ADGRA2: variants seen among roughly 807,000 people sequenced by gnomAD.
ADGRA2 encodes G-protein coupled receptor 124.
ADGRA2 carries 61 observed loss-of-function variants against 98.7 expected under a neutral mutation model. The ratio of observed to expected loss-of-function variants is 0.62; its 90% CI spans 0.50 to 0.76. ADGRA2 has a LOEUF of 0.76. Among genes scored for constraint, ADGRA2 ranks in the 30% least tolerant of loss-of-function variants. The pLI, the probability that ADGRA2 is intolerant of heterozygous loss-of-function variation, is 0.00. For missense variants in ADGRA2, 1,712 were observed against 1,860.0 expected (o/e 0.92, Z 1.46); for synonymous variants, 858 against 831.5 (o/e 1.03, Z -0.55).
At position 37,830,012 on chromosome 8, in the gene ADGRA2, G is replaced by A; in HGVS notation, c.716G>A (p.Cys239Tyr). Residue 239 changes from cysteine (C) to tyrosine (Y), a missense_variant and splice_region_variant, in exon 6 of 19, where the codon TGC (cysteine) becomes TAC (tyrosine). Cys to Tyr is a radical substitution (Grantham distance 194). Coordinates refer to ENST00000412232, the MANE Select transcript of ADGRA2 (RefSeq NM_032777.10). This position sits in a 1 kb window ranked among gnomAD's most constrained non-coding sequence, Gnocchi z 4.8. Reference sequence around the variant, plus strand: ...AGCCTCCAGGAGGCCCAGCTCTGCTGCGGTGAGCAAGTCCCCCCAGCTACA... The same window carrying A: ...AGCCTCCAGGAGGCCCAGCTCTGCTACGGTGAGCAAGTCCCCCCAGCTACA... Reference protein sequence around the residue: ...LGSLQEAQLCCEGALELHTHH... With the variant: ...LGSLQEAQLCYEGALELHTHH... 3 of 1,545,654 alleles carry A rather than the reference G, an allele frequency of 1.9e-6. No homozygotes were observed. The highest frequency in any genetic ancestry group is 2.6e-6 in the Non-Finnish European group (3 of 1,147,938).
At chr8:37,832,958 CTGT>C (rs1585400293) in intron 8 of ADGRA2, 49 bp from the exon 9 acceptor site, 7 of 1,383,742 alleles carry the variant, frequency 5.1e-6, no homozygotes, top group Non-Finnish European at 7.2e-6. Flanking sequence ...GGGAGAAGGG[CTGT>C]TGTTCTGAGA....
In ADGRA2 at chr8:37,814,752, G is replaced by A. The variant is rs902073898; in HGVS notation, c.267-144G>A. The A allele has an allele frequency of 2.2e-5, 14 of 648,838 alleles. No homozygotes were observed. The highest frequency in any genetic ancestry group is 4.7e-5 in the Admixed American group (2 of 42,798). 40.2% of individuals were successfully genotyped at this position (648,838 alleles called of 1,614,324 possible). A position where few individuals can be genotyped will look rare whatever the true frequency, so the allele number is the denominator to read the frequency against. ...TGGCCAGCTTCTCCCTGTAATCTCC[G>A]GAAGTAGAGGGTGGGGGCTGCTGCC... is the stretch of plus-strand genomic sequence containing the variant. On this transcript the variant is annotated intron_variant, in intron 1 of 18. Transcript: ENST00000412232. This position sits in a 1 kb window ranked among gnomAD's most constrained non-coding sequence, Gnocchi z 4.3.
chr8:37,802,871 T>C lies in ADGRA2; in HGVS notation c.266+5337T>C, dbSNP rs1804547971. On this transcript the variant is annotated intron_variant, in intron 1 of 18. Transcript: ENST00000412232. The surrounding 1 kb of genome is among the most constrained non-coding windows in gnomAD (Gnocchi z 4.7). ...CTGCAGAGGCCATCGTGCTGGCTCC[T>C]AAGGGGGCACTTGTGACTCCGCCCC... is the stretch of plus-strand genomic sequence containing the variant. Among the ~76,000 whole-genome samples the C allele has an allele frequency of 6.6e-6, 1 of 152,144 alleles. No homozygotes were observed. The highest frequency in any genetic ancestry group is 6.5e-5 in the Admixed American group (1 of 15,280).
Position 37,828,894 on chromosome 8 carries a change from G to T in ADGRA2, c.345G>T (p.Leu115=), listed in dbSNP as rs780871804. ...LGLSLLEKLD[L]RNNIISTVQP... is the part of the protein sequence containing the mutation. Reference sequence around the variant, plus strand: ...TCTGCACTTGCCTCTGCAGGGACCTGAGGAACAACATCATCAGCACAGTGC... The same window carrying T: ...TCTGCACTTGCCTCTGCAGGGACCTTAGGAACAACATCATCAGCACAGTGC... The change falls in exon 3 of 19, where the codon CTG becomes CTT. Residue 115 remains leucine, a synonymous_variant. Transcript: ENST00000412232. 1.2e-6 allele frequency: 2 copies of T among 1,600,010 alleles called. No homozygotes were observed. Among genetic ancestry groups the T allele is most frequent in the African/African-American group, 1.3e-5 (1 of 74,410 alleles).
chr8:37,828,420 C>T (rs1805345528), intron 2 of ADGRA2, among the ~76,000 whole-genome samples: 1 of 151,234 alleles, frequency 6.6e-6, no homozygotes, highest in Non-Finnish European at 1.5e-5. Flanking sequence ...TCTCTCTGTT[C>T]TGACCAGTGC....
intron 1 of ADGRA2, among the ~76,000 whole-genome samples, chr8:37,812,347 G>A (rs372303721): frequency 6.6e-6 from 1 of 152,160 alleles, no homozygotes; most frequent in African/African-American, 2.4e-5. Context: ...AGGATTTGTG[G>A]CTGGGCGCGG....
chr8:37,798,073 T>C (rs891033584), intron 1 of ADGRA2, among the ~76,000 whole-genome samples: 1 of 152,086 alleles, frequency 6.6e-6, no homozygotes, highest in African/African-American at 2.4e-5. Flanking sequence ...GCCGGTCTCC[T>C]TAGGGCAAGG....
rs755819612 is a variant in ADGRA2, at chr8:37,841,311, C to A, written c.2973C>A (p.Ser991=). The part of the protein sequence containing the change: ...GSGPLLSDSG[S]LLATGSARVG... ...GCCCCCTCCTGAGTGACTCAGGTTC[C>A]CTTCTTGCTACTGGGAGCGCGCGAG... The change falls in exon 19 of 19, where the codon TCC becomes TCA. Residue 991 remains serine, a synonymous_variant. Coordinates refer to ENST00000412232, the MANE Select transcript of ADGRA2 (RefSeq NM_032777.10). This position sits in a 1 kb window ranked among gnomAD's most constrained non-coding sequence, Gnocchi z 5.0. 1.9e-6 allele frequency: 3 copies of A among 1,608,532 alleles called. No homozygotes were observed. Among genetic ancestry groups the A allele is most frequent in the Non-Finnish European group, 2.5e-6 (3 of 1,177,494 alleles).
chr8:37,797,376 C>A lies in ADGRA2; in HGVS notation c.108C>A (p.Gly36=). 7.0e-7 allele frequency: 1 copy of A among 1,427,834 alleles called. No individual in the cohort carries two copies. The highest frequency in any genetic ancestry group is 9.2e-7 in the Non-Finnish European group (1 of 1,091,338). The allele number at this position is 1,427,834 out of a possible 1,614,324, so 88.4% of individuals were successfully genotyped here. The stretch of plus-strand genomic sequence containing the variant: ...CGCCCGAGGCTCGGGGCGCGCCCGG[C>A]TGCCCGCTATCCATCCGCAGCTGCA... ...LLAPEARGAP[G]CPLSIRSCKC... The change falls in exon 1 of 19, where the codon GGC becomes GGA. Residue 36 remains glycine (G), a synonymous_variant. Coordinates refer to ENST00000412232, the MANE Select transcript of ADGRA2 (RefSeq NM_032777.10). The surrounding 1 kb of genome is among the most constrained non-coding windows in gnomAD (Gnocchi z 5.3).
intron 2 of ADGRA2, among the ~76,000 whole-genome samples, chr8:37,819,639 G>A (rs1805075831): frequency 6.6e-6 from 1 of 151,986 alleles, no homozygotes; most frequent in Non-Finnish European, 1.5e-5. Flanking sequence ...CAAAGTGCTG[G>A]GATTACAGGC....
At chr8:37,839,837 C>T (rs1479084595) in intron 16 of ADGRA2, among the ~76,000 whole-genome samples, 1 of 152,012 alleles carries the variant, frequency 6.6e-6, no homozygotes, top group Non-Finnish European at 1.5e-5. Flanking sequence ...GGGAGATGGG[C>T]TTCAAAGTGG....
chr8:37,816,155 G>A (rs746542400), intron 2 of ADGRA2, among the ~76,000 whole-genome samples: 5 of 152,194 alleles, frequency 3.3e-5, no homozygotes, highest in South Asian at 2.1e-4. Flanking sequence ...GGGTCTGGGC[G>A]TGGTGGTTCT....
intron 13 of ADGRA2, 75 bp downstream of exon 13, chr8:37,835,845 C>T: frequency 1.1e-6 from 1 of 908,734 alleles, no homozygotes; most frequent in Non-Finnish European, 1.8e-6. Context: ...TCCTGCCCTT[C>T]CCTGGCCCAC....
chr8:37,806,834 G>A (rs1804685705), intron 1 of ADGRA2, among the ~76,000 whole-genome samples: 1 of 152,028 alleles, frequency 6.6e-6, no homozygotes. Context: ...CCGGCATGTA[G>A]CCCATTTTCT....
rs1805525141 is a variant in ADGRA2, at chr8:37,833,731, T to C, written c.1340T>C (p.Leu447Pro). 3 of 1,614,206 alleles carry C rather than the reference T, an allele frequency of 1.9e-6. No individual in the cohort carries two copies. Among genetic ancestry groups the C allele is most frequent in the Non-Finnish European group, 2.5e-6 (3 of 1,180,014 alleles). Residue 447 changes from leucine (L) to proline (P), a missense_variant, in exon 10 of 19, where the codon CTG (leucine) becomes CCG (proline). Transcript: ENST00000412232. ...AATGCGCTGACCCTGGCTCACCAGC[T>C]GCGCGTGTACACAGCCGAGGCCGCT... is the stretch of plus-strand genomic sequence containing the variant. ...ASNALTLAHQ[L>P]RVYTAEAASF... is the part of the protein sequence containing the mutation.
chr8:37,830,627 C>CCCCCCCA lies in ADGRA2; in HGVS notation c.719-81_719-80insCCCCACC. On this transcript the variant is annotated intron_variant, in intron 6 of 18. Transcript: ENST00000412232. The surrounding 1 kb of genome is among the most constrained non-coding windows in gnomAD (Gnocchi z 4.8). Reference sequence around the variant, plus strand: ...GGCCGAGGGCCCCGCCCCGCCCCACCCCATCCTGCTGGACTCTCGCTCACA... The same window carrying CCCCCCCA: ...GGCCGAGGGCCCCGCCCCGCCCCACCCCCCCCACCATCCTGCTGGACTCTCGCTCACA... The CCCCCCCA allele has an allele frequency of 1.4e-6, 1 of 707,978 alleles. No homozygotes were observed. The highest frequency in any genetic ancestry group is 2.8e-5 in the East Asian group (1 of 36,136). The allele number at this position is 707,978 out of a possible 1,614,324, so 43.9% of individuals were successfully genotyped here. A position where few individuals can be genotyped will look rare whatever the true frequency, so the allele number is the denominator to read the frequency against.
Position 37,830,768 on chromosome 8 carries a change from C to T in ADGRA2, c.777C>T (p.Phe259=). ...HLIPSLRQVV[F]QGDRLPFQCS... is the part of the protein sequence containing the mutation. Reference sequence around the variant, plus strand: ...TCCCGTCCCTACGCCAAGTGGTGTTCCAGGGGGATCGGCTGCCCTTCCAGT... The same window carrying T: ...TCCCGTCCCTACGCCAAGTGGTGTTTCAGGGGGATCGGCTGCCCTTCCAGT... Residue 259 remains phenylalanine (F), a synonymous_variant, in exon 7 of 19, where the codon TTC becomes TTT. Coordinates refer to ENST00000412232, the MANE Select transcript of ADGRA2 (RefSeq NM_032777.10). The surrounding 1 kb of genome is among the most constrained non-coding windows in gnomAD (Gnocchi z 4.8). 6.2e-7 allele frequency: 1 copy of T among 1,602,306 alleles called. No homozygotes were observed. The highest frequency in any genetic ancestry group is 8.5e-7 in the Non-Finnish European group (1 of 1,174,830).
chr8:37,838,528 T>C (rs981022633), intron 14 of ADGRA2, among the ~76,000 whole-genome samples: 3 of 152,066 alleles, frequency 2.0e-5, no homozygotes, highest in Non-Finnish European at 4.4e-5. Flanking sequence ...GCTGGGATTA[T>C]AGGCATGAGT....
intron 1 of ADGRA2, among the ~76,000 whole-genome samples, chr8:37,798,981 A>C (rs1804420553): frequency 6.6e-6 from 1 of 152,212 alleles, no homozygotes; most frequent in Admixed American, 6.5e-5. Context: ...TTGAGGGTCC[A>C]GGCAGGCCTG....
Sources: allele counts gnomAD v4.1 joint callset (sites outside exome capture counted in the v4.1 genomes callset), GRCh38; gene constraint gnomAD v4.1.1; non-coding constraint Gnocchi (gnomAD v3.1); transcripts MANE v1.5; gene names NCBI Gene and HGNC (gene_info 2026-07-23, HGNC 2026-07-21).